Variants in ZSWIM6 observed in about 807,000 individuals in gnomAD.
ZSWIM6 encodes the protein zinc finger SWIM domain-containing protein 6.
In ZSWIM6, 9 loss-of-function variants were observed where a neutral mutation model predicts 113.2. The observed-to-expected ratio is 0.08, with a 90% confidence interval of 0.05 to 0.14. The LOEUF (loss-of-function observed/expected upper bound fraction) is 0.14, where lower values mean the gene tolerates loss of function less well. Among genes scored for constraint, ZSWIM6 ranks in the 10% least tolerant of loss-of-function variants. The pLI is 1.00. For missense variants in ZSWIM6, 1,162 were observed against 1,552.2 expected, an observed-to-expected ratio of 0.75 and a Z score of 4.22; for synonymous variants, 611 against 606.5, an observed-to-expected ratio of 1.01 and a Z score of -0.11.
In ZSWIM6 at chr5:61,473,051, T is replaced by C. The variant is rs1197129700; in HGVS notation, c.1033+14T>C. On this transcript the variant is annotated intron_variant, in intron 2 of 13. Transcript: ENST00000252744. ...ACCAAGTTCATGGTGAGTATAGACA[T>C]TGACTCTTTAAATTTCCTCTCTGGA... 4 of 1,406,654 alleles carry C rather than the reference T, an allele frequency of 2.8e-6. No homozygotes were observed. The African/African-American group carries it at 5.8e-5, about 20-fold the overall frequency. 87.1% of individuals were successfully genotyped at this position (1,406,654 alleles called of 1,614,324 possible).
chr5:61,332,325 C>T lies in ZSWIM6; in HGVS notation c.53C>T (p.Pro18Leu), dbSNP rs1744264776. ...CCCGCGAAACGGCTTTGCTGCCGGC[C>T]GGGCGGCGGCGGCGGCGGCGGGGGC... is the stretch of plus-strand genomic sequence containing the variant. Reference protein sequence around the residue: ...PPPAKRLCCRPGGGGGGGGSS... With the variant: ...PPPAKRLCCRLGGGGGGGGSS... Residue 18 changes from proline (P) to leucine (L), a missense_variant, in exon 1 of 14, where the codon CCG (proline) becomes CTG (leucine). By Grantham distance (98) the Pro-to-Leu change is moderately conservative. This residue lies in a region of ZSWIM6 where 333 missense variants were observed against 293.4 expected (regional missense o/e 1.13). Coordinates refer to ENST00000252744, the MANE Select transcript of ZSWIM6 (RefSeq NM_020928.2). 2.6e-6 allele frequency: 3 copies of T among 1,146,766 alleles called. No homozygotes were observed. Among genetic ancestry groups the T allele is most frequent in the African/African-American group, 3.3e-5 (2 of 60,148 alleles). The allele number at this position is 1,146,766 out of a possible 1,614,324, so 71.0% of individuals were successfully genotyped here.
chr5:61,427,192 C>T (rs924394271), intron 1 of ZSWIM6, among the ~76,000 whole-genome samples: 13 of 152,150 alleles, frequency 8.5e-5, no homozygotes, highest in Non-Finnish European at 1.5e-4. Flanking sequence ...TATATACAGT[C>T]ATCAGTCATC....
chr5:61,344,350 C>T (rs1744611595), intron 1 of ZSWIM6, among the ~76,000 whole-genome samples: 1 of 152,172 alleles, frequency 6.6e-6, no homozygotes, highest in Admixed American at 6.5e-5. Flanking sequence ...AGTGGTGAAG[C>T]TGATGAGTGA....
chr5:61,353,548 T>G (rs1249106758), intron 1 of ZSWIM6, among the ~76,000 whole-genome samples: 3 of 152,200 alleles, frequency 2.0e-5, no homozygotes, highest in African/African-American at 7.2e-5. Flanking sequence ...GTGATACCAT[T>G]CAAATATAGT....
Position 61,472,906 on chromosome 5 carries a change from A to G in ZSWIM6, c.902A>G (p.Gln301Arg), listed in dbSNP as rs1747607446. 1 of 1,551,608 alleles carries G rather than the reference A, an allele frequency of 6.4e-7. No individual in the cohort carries two copies. The highest frequency in any genetic ancestry group is 8.7e-7 in the Non-Finnish European group (1 of 1,146,980). ...CTTCCTATTTCAGAGACTCTCTTTC[A>G]AATGAATAGAGACCAACTGCAAAAG... is the stretch of plus-strand genomic sequence containing the variant. ...LHLPISETLF[Q>R]MNRDQLQKFV... The change falls in exon 2 of 14, where the codon CAA becomes CGA. Residue 301 changes from glutamine (Q) to arginine (R), a missense_variant. Transcript: ENST00000252744. The surrounding 1 kb of genome is among the most constrained non-coding windows in gnomAD (Gnocchi z 4.1).
intron 1 of ZSWIM6, among the ~76,000 whole-genome samples, chr5:61,344,011 A>G (rs1416154432): frequency 6.6e-6 from 1 of 151,614 alleles, no homozygotes; most frequent in Non-Finnish European, 1.5e-5. Context: ...CTTCTGCCTC[A>G]GCCTCCTGAG....
intron 1 of ZSWIM6, among the ~76,000 whole-genome samples, chr5:61,335,052 A>G (rs144795407): frequency 3.9e-5 from 6 of 152,394 alleles, no homozygotes; most frequent in African/African-American, 1.2e-4. Context: ...AAAAGAGGCA[A>G]TCTTCTCTAG....
At chr5:61,404,344 T>G (rs1029671265) in intron 1 of ZSWIM6, among the ~76,000 whole-genome samples, 3 of 152,236 alleles carry the variant, frequency 2.0e-5, no homozygotes, top group Non-Finnish European at 2.9e-5. Context: ...TTTATTTACT[T>G]TCCGATCTTT....
intron 1 of ZSWIM6, among the ~76,000 whole-genome samples, chr5:61,380,104 T>C (rs923918459): frequency 3.9e-5 from 6 of 152,090 alleles, no homozygotes; most frequent in Non-Finnish European, 7.4e-5. Flanking sequence ...ACACGGAGTT[T>C]CGCTCCTGTC....
intron 1 of ZSWIM6, among the ~76,000 whole-genome samples, chr5:61,428,692 A>T (rs1444762313): frequency 6.6e-6 from 1 of 152,152 alleles, no homozygotes; most frequent in Non-Finnish European, 1.5e-5. Context: ...TTTATTTTTT[A>T]AAAATTACAG....
intron 1 of ZSWIM6, among the ~76,000 whole-genome samples, chr5:61,417,173 G>C (rs1746275714): frequency 6.6e-6 from 1 of 152,088 alleles, no homozygotes; most frequent in Non-Finnish European, 1.5e-5. Flanking sequence ...GCATACCTTT[G>C]TTAGCATCTG....
At chr5:61,424,469 A>C (rs2112128203) in intron 1 of ZSWIM6, among the ~76,000 whole-genome samples, 1 of 152,292 alleles carries the variant, frequency 6.6e-6, no homozygotes, top group South Asian at 2.1e-4. Flanking sequence ...TCGCCTAGGG[A>C]GAGCAGACGC....
At position 61,332,863 on chromosome 5, in the gene ZSWIM6, G is replaced by C. The variant is rs1744293770; in HGVS notation, c.591G>C (p.Ala197=). The C allele has an allele frequency of 8.2e-7, 1 of 1,220,706 alleles. No homozygotes were observed. Among genetic ancestry groups the C allele is most frequent in the Admixed American group, 3.1e-5 (1 of 32,554 alleles). 75.6% of individuals were successfully genotyped at this position (1,220,706 alleles called of 1,614,324 possible). The change falls in exon 1 of 14, where the codon GCG becomes GCC. Residue 197 remains alanine, a synonymous_variant. Coordinates refer to ENST00000252744, the MANE Select transcript of ZSWIM6 (RefSeq NM_020928.2). ...GAPSVGAAGA[A]DGGDETRLPF... ...CGTCGGTGGGGGCTGCCGGGGCGGC[G>C]GACGGCGGCGACGAGACGCGGCTGC...
chr5:61,368,363 A>G (rs1170612612), intron 1 of ZSWIM6, among the ~76,000 whole-genome samples: 1 of 152,232 alleles, frequency 6.6e-6, no homozygotes, highest in Admixed American at 6.5e-5. Context: ...ATTTAAAAGT[A>G]TTCATATTAA....
chr5:61,493,498 C>A (rs998117409), intron 3 of ZSWIM6, among the ~76,000 whole-genome samples: 1 of 152,146 alleles, frequency 6.6e-6, no homozygotes, highest in Non-Finnish European at 1.5e-5. Context: ...TACACATTAT[C>A]AGATCTACTT....
At chr5:61,531,427 A>G in intron 8 of ZSWIM6, 38 bp from the exon 9 acceptor site, 4 of 1,523,350 alleles carry the variant, frequency 2.6e-6, no homozygotes, top group Non-Finnish European at 3.5e-6. Flanking sequence ...CTGCAAAAGT[A>G]GTTTCTGAGC....
intron 1 of ZSWIM6, among the ~76,000 whole-genome samples, chr5:61,398,654 C>G (rs1233469803): frequency 6.6e-6 from 1 of 152,122 alleles, no homozygotes; most frequent in East Asian, 1.9e-4. Flanking sequence ...TATTTATCAA[C>G]GTGCTTAAAA....
intron 1 of ZSWIM6, among the ~76,000 whole-genome samples, chr5:61,350,495 C>T (rs180938587): frequency 2.5e-4 from 38 of 152,180 alleles, no homozygotes; most frequent in Admixed American, 1.6e-3. Flanking sequence ...CCTATTCAGA[C>T]GAAAAGGAAG....
chr5:61,373,066 T>G (rs940291246), intron 1 of ZSWIM6, among the ~76,000 whole-genome samples: 6 of 152,146 alleles, frequency 3.9e-5, no homozygotes, highest in Non-Finnish European at 5.9e-5. Flanking sequence ...ATTATCAGTT[T>G]GGTTGCATAC....
Sources: allele counts gnomAD v4.1 joint callset (sites outside exome capture counted in the v4.1 genomes callset), GRCh38; gene constraint gnomAD v4.1.1; regional missense constraint gnomAD v4.1.1; non-coding constraint Gnocchi (gnomAD v3.1); transcripts MANE v1.5; gene names NCBI Gene and HGNC (gene_info 2026-07-23, HGNC 2026-07-21).